The following COMMD10 variants were observed in gnomAD, a reference collection of about 807,000 sequenced individuals.
COMMD10 encodes the protein COMM domain containing 10, also known as COMM domain-containing protein 10.
A neutral mutation model predicts 28.9 loss-of-function variants in COMMD10; 33 were observed. The observed-to-expected ratio is 1.14, with a 90% confidence interval of 0.87 to 1.53. COMMD10 has a LOEUF of 1.53. Ranked by LOEUF, COMMD10 falls within the 40% of genes most tolerant of loss-of-function variation. COMMD10 has a pLI of 0.00. For missense variants in COMMD10, 310 were observed against 233.4 expected (o/e 1.33, Z -2.14); for synonymous variants, 110 against 81.7 (o/e 1.35, Z -1.87).
intron 5 of COMMD10, among the ~76,000 whole-genome samples, chr5:116,206,590 T>A (rs1157017032): frequency 2.0e-5 from 3 of 151,946 alleles, no homozygotes; most frequent in Middle Eastern, 3.4e-3. Context: ...AGGCAGAGAT[T>A]GCAGAGAGCC....
Position 116,097,760 on chromosome 5 carries a change from G to A in COMMD10, c.399+5060G>A, listed in dbSNP as rs77453482. On this transcript the variant is annotated intron_variant, in intron 4 of 6. Transcript: ENST00000274458. ...GCCTCAGGAAACTTACAGTCATGGT[G>A]GAAGGTGAATGGGGAGCAGGTGTCT... Among the ~76,000 whole-genome samples, 215 of 152,188 alleles carry A rather than the reference G, an allele frequency of 1.4e-3. 2 individuals are homozygous for A. Among genetic ancestry groups the A allele is most frequent in the African/African-American group, 5.0e-3 (208 of 41,532 alleles).
chr5:116,172,828 C>A (rs930668264), intron 5 of COMMD10, among the ~76,000 whole-genome samples: 1 of 152,128 alleles, frequency 6.6e-6, no homozygotes, highest in Non-Finnish European at 1.5e-5. Context: ...TTGAATTCTT[C>A]ATGCTTTTTA....
intron 5 of COMMD10, among the ~76,000 whole-genome samples, chr5:116,193,494 A>C (rs1478730656): frequency 6.6e-6 from 1 of 152,228 alleles, no homozygotes; most frequent in African/African-American, 2.4e-5. Context: ...CATTTCATGC[A>C]AATGGACACC....
chr5:116,257,144 CCTT>C (rs1357618816), intron 5 of COMMD10, among the ~76,000 whole-genome samples: 2 of 151,606 alleles, frequency 1.3e-5, no homozygotes, highest in East Asian at 1.9e-4. Flanking sequence ...GATGAGGAGA[CCTT>C]CTGAATAAAC....
intron 5 of COMMD10, among the ~76,000 whole-genome samples, chr5:116,192,844 A>G (rs1000971195): frequency 1.3e-5 from 2 of 152,188 alleles, no homozygotes; most frequent in African/African-American, 4.8e-5. Context: ...CAAAGAGATC[A>G]TGGCACACTG....
chr5:116,162,113 G>A (rs1349345567), intron 5 of COMMD10, among the ~76,000 whole-genome samples: 6 of 152,124 alleles, frequency 3.9e-5, no homozygotes, highest in African/African-American at 1.4e-4. Context: ...TTATAAGCAT[G>A]CCCCTTAAGT....
intron 5 of COMMD10, among the ~76,000 whole-genome samples, chr5:116,256,323 A>C (rs2112680131): frequency 6.6e-6 from 1 of 151,826 alleles, no homozygotes; most frequent in African/African-American, 2.4e-5. Context: ...TGAGTATATG[A>C]AGAATATTAT....
At chr5:116,222,981 C>G (rs115468705) in intron 5 of COMMD10, among the ~76,000 whole-genome samples, 2 of 152,124 alleles carry the variant, frequency 1.3e-5, no homozygotes, top group African/African-American at 4.8e-5. Flanking sequence ...TGAGCCACTG[C>G]GCTCAGCCGC....
At chr5:116,105,017 G>A (rs1224520766) in intron 4 of COMMD10, among the ~76,000 whole-genome samples, 1 of 152,186 alleles carries the variant, frequency 6.6e-6, no homozygotes, top group African/African-American at 2.4e-5. Context: ...GTGAGAGAGG[G>A]CATCCTTGTC....
At chr5:116,286,539 A>C (rs1167985229) in intron 5 of COMMD10, among the ~76,000 whole-genome samples, 2 of 151,560 alleles carry the variant, frequency 1.3e-5, no homozygotes, top group African/African-American at 4.9e-5. Flanking sequence ...ACTCCATCCC[A>C]AAATTTTGGC....
intron 5 of COMMD10, among the ~76,000 whole-genome samples, chr5:116,141,473 G>A (rs1195069428): frequency 6.6e-6 from 1 of 151,596 alleles, no homozygotes; most frequent in African/African-American, 2.4e-5. Context: ...TGATGGAATT[G>A]CATTGAATCC....
At chr5:116,107,122 T>C (rs1750865310) in intron 4 of COMMD10, among the ~76,000 whole-genome samples, 1 of 152,178 alleles carries the variant, frequency 6.6e-6, no homozygotes, top group Admixed American at 6.5e-5. Flanking sequence ...TTTTCCTTTA[T>C]TTCCACCTTG....
chr5:116,263,803 T>A (rs1043983611), intron 5 of COMMD10, among the ~76,000 whole-genome samples: 5 of 151,758 alleles, frequency 3.3e-5, no homozygotes, highest in Non-Finnish European at 7.4e-5. Context: ...ACCAGTGTAT[T>A]TCTTAAATCT....
intron 5 of COMMD10, among the ~76,000 whole-genome samples, chr5:116,212,481 GA>G (rs1748990977): frequency 6.2e-5 from 1 of 16,232 alleles, no homozygotes; most frequent in Non-Finnish European, 2.2e-4. Context: ...TCCAGTGACA[GA>G]AGGTACTGAA....
chr5:116,176,434 C>A (rs1160564556), intron 5 of COMMD10, among the ~76,000 whole-genome samples: 1 of 152,126 alleles, frequency 6.6e-6, no homozygotes, highest in East Asian at 1.9e-4. Context: ...CACTGTTCTG[C>A]TTTAGGCTTT....
At chr5:116,157,164 T>G (rs1156976267) in intron 5 of COMMD10, among the ~76,000 whole-genome samples, 4 of 152,194 alleles carry the variant, frequency 2.6e-5, no homozygotes, top group Non-Finnish European at 5.9e-5. Context: ...CCTAATAGAT[T>G]GCTCACTGTT....
chr5:116,199,535 T>G (rs555608343), intron 5 of COMMD10, among the ~76,000 whole-genome samples: 2 of 152,182 alleles, frequency 1.3e-5, no homozygotes, highest in Non-Finnish European at 2.9e-5. Context: ...AAAGTCTGTT[T>G]GTTCAAAATA....
At chr5:116,168,158 CAAAAAAA>C (rs56193014) in intron 5 of COMMD10, among the ~76,000 whole-genome samples, 1 of 102,424 alleles carries the variant, frequency 9.8e-6, no homozygotes, top group Non-Finnish European at 1.9e-5. Context: ...AAATGGAAAG[CAAAAAAA>C]AAAAAAAAAG....
chr5:116,208,220 C>G (rs1443524922), intron 5 of COMMD10, among the ~76,000 whole-genome samples: 4 of 152,168 alleles, frequency 2.6e-5, no homozygotes, highest in African/African-American at 9.6e-5. Context: ...GTATCTCTAA[C>G]CATGTTGTAA....
Sources: allele counts gnomAD v4.1 joint callset (sites outside exome capture counted in the v4.1 genomes callset), GRCh38; gene constraint gnomAD v4.1.1; transcripts MANE v1.5; gene names NCBI Gene and HGNC (gene_info 2026-07-23, HGNC 2026-07-21).